Variants in EPM2A observed in about 807,000 individuals in gnomAD.
The protein encoded by EPM2A is laforin.
A neutral mutation model predicts 26.5 loss-of-function variants in EPM2A; 21 were observed. The observed-to-expected ratio is 0.79, with a 90% CI of 0.56 to 1.14. EPM2A has a LOEUF of 1.14. Ranked by LOEUF, EPM2A falls within the 50% of genes most tolerant of loss-of-function variation. The pLI, the probability that EPM2A is intolerant of heterozygous loss-of-function variation, is 0.00. For synonymous variants in EPM2A, 217 were observed against 177.6 expected, an observed-to-expected ratio of 1.22 and a Z score of -1.76; for missense variants, 458 against 440.8, an observed-to-expected ratio of 1.04 and a Z score of -0.35.
intron 1 of EPM2A, among the ~76,000 whole-genome samples, chr6:145,700,914 T>C (rs1277571422): frequency 6.6e-6 from 1 of 152,190 alleles, no homozygotes; most frequent in Non-Finnish European, 1.5e-5. Context: ...CACACATTGC[T>C]TTCTTCCATG....
intron 4 of EPM2A, among the ~76,000 whole-genome samples, chr6:145,404,737 G>C (rs1353798872): frequency 6.6e-6 from 1 of 152,038 alleles, no homozygotes; most frequent in African/African-American, 2.4e-5. Flanking sequence ...TATATCCTTT[G>C]CCTTCTGGAA....
At chr6:145,505,107 A>AG (rs1162485256) in intron 2 of EPM2A, among the ~76,000 whole-genome samples, 1 of 91,058 alleles carries the variant, frequency 1.1e-5, no homozygotes, top group East Asian at 3.8e-4. Context: ...GGGTGGGGGG[A>AG]GGGGGGAGGG....
At chr6:145,428,415 T>C (rs999988280) in intron 4 of EPM2A, among the ~76,000 whole-genome samples, 28 of 152,198 alleles carry the variant, frequency 1.8e-4, no homozygotes, top group Admixed American at 6.5e-5. Flanking sequence ...CTTCTTTGCA[T>C]AGCTGAACCA....
intron 1 of EPM2A, chr6:145,734,456 TTTA>T (rs2128647977): frequency 6.6e-6 from 1 of 152,324 alleles, no homozygotes; most frequent in Admixed American, 6.5e-5. Context: ...TGTACATTTC[TTTA>T]TTATTATTTT....
At chr6:145,487,705 T>C (rs1165174486) in intron 4 of EPM2A, among the ~76,000 whole-genome samples, 1 of 152,190 alleles carries the variant, frequency 6.6e-6, no homozygotes, top group Non-Finnish European at 1.5e-5. Context: ...TCCTTATAGA[T>C]GCTAGATATT....
intron 2 of EPM2A, among the ~76,000 whole-genome samples, chr6:145,618,714 C>T (rs1298186772): frequency 6.6e-6 from 1 of 152,224 alleles, no homozygotes; most frequent in Non-Finnish European, 1.5e-5. Context: ...TCAATTAAAC[C>T]TCTTTCCTTT....
At chr6:145,694,007 TGA>T (rs1430163692) in intron 1 of EPM2A, among the ~76,000 whole-genome samples, 2 of 151,972 alleles carry the variant, frequency 1.3e-5, no homozygotes, top group Admixed American at 6.6e-5. Context: ...TCTATAAGTT[TGA>T]GAGTTTCGGT....
At chr6:145,731,570 A>AACATAGAGAAC (rs1283656043) in intron 1 of EPM2A, among the ~76,000 whole-genome samples, 29 of 152,204 alleles carry the variant, frequency 1.9e-4, no homozygotes, top group Admixed American at 3.3e-4. Flanking sequence ...GTGGGAGTTG[A>AACATAGAGAAC]ACATAGAGAA....
At chr6:145,567,347 A>G (rs1780897513) in intron 2 of EPM2A, among the ~76,000 whole-genome samples, 2 of 152,220 alleles carry the variant, frequency 1.3e-5, no homozygotes, top group African/African-American at 4.8e-5. Context: ...GATAATGAAC[A>G]CTAGCTACTG....
chr6:145,676,606 G>A (rs1019403702), intron 2 of EPM2A, among the ~76,000 whole-genome samples: 10 of 151,976 alleles, frequency 6.6e-5, no homozygotes, highest in African/African-American at 4.8e-5. Flanking sequence ...TATCACCACC[G>A]ATCCCAAAAA....
chr6:145,610,086 G>A (rs759562961), intron 2 of EPM2A, among the ~76,000 whole-genome samples: 1 of 151,930 alleles, frequency 6.6e-6, no homozygotes, highest in Non-Finnish European at 1.5e-5. Flanking sequence ...CTGGTGGCAC[G>A]CGCCTGTAAT....
intron 4 of EPM2A, among the ~76,000 whole-genome samples, chr6:145,450,394 G>T (rs964499284): frequency 2.6e-5 from 4 of 151,476 alleles, no homozygotes; most frequent in African/African-American, 9.7e-5. Context: ...CATTGGTGGG[G>T]GTATAAATTG....
At chr6:145,735,550 G>C, upstream of EPM2A, 1 of 1,133,318 alleles carries the variant, frequency 8.8e-7, no homozygotes, top group Non-Finnish European at 1.1e-6. Flanking sequence ...GCGGCCGGCA[G>C]GCGCGGCCCG....
At chr6:145,553,181 T>C (rs1229979215) in intron 2 of EPM2A, among the ~76,000 whole-genome samples, 2 of 152,106 alleles carry the variant, frequency 1.3e-5, no homozygotes, top group African/African-American at 4.8e-5. Flanking sequence ...TTCTCTCTCC[T>C]GCTGCCCTGT....
intron 2 of EPM2A, among the ~76,000 whole-genome samples, chr6:145,555,274 G>C (rs74723503): frequency 0.033 from 5,008 of 152,014 alleles, 185 homozygotes; most frequent in East Asian, 0.17. Context: ...GGTAACCCTG[G>C]ACCAGCTCCA....
At chr6:145,621,322 A>C (rs953255588), downstream of EPM2A, among the ~76,000 whole-genome samples, 2 of 152,126 alleles carry the variant, frequency 1.3e-5, no homozygotes, top group African/African-American at 4.8e-5. Flanking sequence ...TATCCACCAC[A>C]TTGTCTTTAT....
At chr6:145,569,346 T>A (rs1462384064) in intron 2 of EPM2A, among the ~76,000 whole-genome samples, 1 of 152,194 alleles carries the variant, frequency 6.6e-6, no homozygotes. Flanking sequence ...TTCATAACAG[T>A]ACATTCAGAT....
At chr6:145,572,885 C>T (rs2103633) in intron 2 of EPM2A, among the ~76,000 whole-genome samples, 65,274 of 152,036 alleles carry the variant, frequency 0.43, 14,573 homozygotes, top group African/African-American at 0.52. Context: ...GTAGCACACT[C>T]AAATGAGGAA....
chr6:145,627,795 GC>G, intron 3 of EPM2A, 102 bp from the exon 4 acceptor site: 1 of 1,499,586 alleles, frequency 6.7e-7, no homozygotes, highest in Non-Finnish European at 9.0e-7. Context: ...GCTGCACAGG[GC>G]CAGGCAGGGA....
Sources: allele counts gnomAD v4.1 joint callset (sites outside exome capture counted in the v4.1 genomes callset), GRCh38; gene constraint gnomAD v4.1.1; transcripts MANE v1.5; gene names NCBI Gene and HGNC (gene_info 2026-07-23, HGNC 2026-07-21).